Variants in EFNB2 observed in about 807,000 individuals in gnomAD.
EFNB2 encodes the protein ephrin B2.
EFNB2 carries 5 observed loss-of-function variants against 32.1 expected under a neutral mutation model. The ratio of observed to expected loss-of-function variants is 0.16; its 90% CI spans 0.08 to 0.33. The LOEUF is 0.33. Among genes scored for constraint, EFNB2 ranks in the 10% least tolerant of loss-of-function variants. The pLI is 1.00. For missense variants in EFNB2, 263 were observed against 422.6 expected (o/e 0.62, Z 3.31); for synonymous variants, 168 against 166.5 (o/e 1.01, Z -0.07).
chr13:106,524,741 G>A (rs1216882980), intron 1 of EFNB2, among the ~76,000 whole-genome samples: 1 of 152,178 alleles, frequency 6.6e-6, no homozygotes, highest in East Asian at 1.9e-4. Flanking sequence ...TGAATTCAAA[G>A]AGCCTCCTCT....
chr13:106,522,755 C>A (rs527419367), intron 1 of EFNB2, among the ~76,000 whole-genome samples: 2 of 152,172 alleles, frequency 1.3e-5, no homozygotes, highest in South Asian at 4.1e-4. Flanking sequence ...TAAAATGAAA[C>A]CTTTCCCTTT....
Position 106,512,785 on chromosome 13 carries a change from T to C in EFNB2, c.150A>G (p.Leu50=). 4 of 1,610,392 alleles carry C rather than the reference T, an allele frequency of 2.5e-6. No individual in the cohort carries two copies. The highest frequency in any genetic ancestry group is 3.4e-6 in the Non-Finnish European group (4 of 1,177,740). The part of the protein sequence containing the change: ...SKFLPGQGLV[L]YPQIGDKLDI... ...CCAATTTGTCTCCTATCTGTGGGTA[T>C]AGTACCAGTCCTTGTCCAGGTAGAA... Residue 50 remains leucine (L), a synonymous_variant, in exon 2 of 5, where the codon CTA becomes CTG. Coordinates refer to ENST00000646441, the MANE Select transcript of EFNB2 (RefSeq NM_004093.4).
At chr13:106,511,447 C>T (rs551870442) in intron 2 of EFNB2, among the ~76,000 whole-genome samples, 2 of 152,216 alleles carry the variant, frequency 1.3e-5, no homozygotes, top group Admixed American at 1.3e-4. Flanking sequence ...TGCCACTGCA[C>T]GCCAGCCTCG....
chr13:106,520,010 C>G (rs1197396283), intron 1 of EFNB2: 1 of 152,008 alleles, frequency 6.6e-6, no homozygotes, highest in Non-Finnish European at 1.5e-5. Flanking sequence ...GCTGTAGTAA[C>G]AAACTTGTTT....
At chr13:106,505,781 T>A (rs1878930099) in intron 2 of EFNB2, among the ~76,000 whole-genome samples, 1 of 152,204 alleles carries the variant, frequency 6.6e-6, no homozygotes, top group African/African-American at 2.4e-5. Flanking sequence ...TAAAAAGCCA[T>A]AAATAAGGTG....
rs1441676684 is a variant in EFNB2 at position 106,518,730 on chromosome 13, T to C, written c.123-5918A>G. ...GAGAAGTTTATGGAGAGCTGTGTAG[T>C]GAACCCGAAATTGCACTCCCTGCTT... On this transcript the variant is annotated intron_variant, in intron 1 of 4. Coordinates refer to ENST00000646441, the MANE Select transcript of EFNB2 (RefSeq NM_004093.4). This position sits in a 1 kb window ranked among gnomAD's most constrained non-coding sequence, Gnocchi z 4.1. The C allele has an allele frequency of 6.6e-6, 1 of 152,258 alleles. No homozygotes were observed. The highest frequency in any genetic ancestry group is 6.5e-5 in the Admixed American group (1 of 15,272). 9.4% of individuals were successfully genotyped at this position (152,258 alleles called of 1,614,324 possible).
chr13:106,494,198 C>T (rs1242288857), intron 4 of EFNB2, among the ~76,000 whole-genome samples: 4 of 152,306 alleles, frequency 2.6e-5, no homozygotes, highest in Middle Eastern at 3.4e-3. Context: ...ATTTGCACAA[C>T]GACCAAGCAA....
At chr13:106,530,192 G>A (rs952732035) in intron 1 of EFNB2, among the ~76,000 whole-genome samples, 2 of 151,986 alleles carry the variant, frequency 1.3e-5, no homozygotes, top group African/African-American at 2.4e-5. Context: ...CAAGCTGTTC[G>A]GAACATGTCC....
chr13:106,505,745 A>G (rs879135567), intron 2 of EFNB2, among the ~76,000 whole-genome samples: 1 of 152,220 alleles, frequency 6.6e-6, no homozygotes, highest in Admixed American at 6.5e-5. Flanking sequence ...GCATTGTCCA[A>G]TTATTTATAA....
rs184695187 is a variant in EFNB2 at position 106,532,100 on chromosome 13, T to C, written c.122+2743A>G. On this transcript the variant is annotated intron_variant, in intron 1 of 4. Transcript: ENST00000646441. Reference sequence around the variant, plus strand: ...AAACCAAAACTTTAAACAACCAAAATGGCTACAACGGACCCAACTCTACCA... The same window carrying C: ...AAACCAAAACTTTAAACAACCAAAACGGCTACAACGGACCCAACTCTACCA... Among the ~76,000 whole-genome samples, 33 of 147,298 alleles carry C rather than the reference T, an allele frequency of 2.2e-4. No individual in the cohort carries two copies. The East Asian group carries it at 6.3e-3, about 28-fold the overall frequency.
At position 106,493,333 on chromosome 13, in the gene EFNB2, T is replaced by C. The variant is rs1254330886; in HGVS notation, c.709A>G (p.Ile237Val). 3 of 1,614,156 alleles carry C rather than the reference T, an allele frequency of 1.9e-6. No homozygotes were observed. Among genetic ancestry groups the C allele is most frequent in the East Asian group, 2.2e-5 (1 of 44,868 alleles). Reference protein sequence around the residue: ...LFAGIASGCIIFIVIIITLVV... With the variant: ...LFAGIASGCIVFIVIIITLVV... The stretch of plus-strand genomic sequence containing the variant: ...AGCGTGATGATGATGACGATGAAGA[T>C]GATGCATCCTGAAGCAATCCCTGCA... The change falls in exon 5 of 5, where the codon ATC (isoleucine) becomes GTC (valine). Residue 237 changes from isoleucine to valine, a missense_variant. By Grantham distance (29) the Ile-to-Val change is conservative (BLOSUM62 3). Around this residue, in one of 3 missense-constraint regions of EFNB2, gnomAD observed 172 missense variants for 237.1 expected, o/e 0.73. Transcript: ENST00000646441. This position sits in a 1 kb window ranked among gnomAD's most constrained non-coding sequence, Gnocchi z 6.1.
In EFNB2 at chr13:106,491,537, T is replaced by A. The variant is rs917128633; in HGVS notation, c.*1503A>T. Reference sequence around the variant, plus strand: ...GTTCTATATACCTATTATAAATACGTCCTATCTTCCTTCTCCCCCTGGACA... The same window carrying A: ...GTTCTATATACCTATTATAAATACGACCTATCTTCCTTCTCCCCCTGGACA... On this transcript the variant is annotated 3_prime_UTR_variant, in exon 5 of 5. Coordinates refer to ENST00000646441, the MANE Select transcript of EFNB2 (RefSeq NM_004093.4). 1 of 152,614 alleles carries A rather than the reference T, an allele frequency of 6.6e-6. No individual in the cohort carries two copies. The highest frequency in any genetic ancestry group is 6.5e-5 in the Admixed American group (1 of 15,268). The allele number at this position is 152,614 out of a possible 1,614,324, so 9.5% of individuals were successfully genotyped here.
rs1425537133 is a variant in EFNB2, at chr13:106,518,467, G to T, written c.123-5655C>A. On this transcript the variant is annotated intron_variant, in intron 1 of 4. Transcript: ENST00000646441. The surrounding 1 kb of genome is among the most constrained non-coding windows in gnomAD (Gnocchi z 4.1). ...CGAGCACATGCTTGTTTAAAACACG[G>T]GCCTAATACACTGAAAACATAAACC... 1 of 152,260 alleles carries T rather than the reference G, an allele frequency of 6.6e-6. No individual in the cohort carries two copies. Among genetic ancestry groups the T allele is most frequent in the Middle Eastern group, 3.4e-3 (1 of 294 alleles). The allele number at this position is 152,260 out of a possible 1,614,324, so 9.4% of individuals were successfully genotyped here.
intron 1 of EFNB2, among the ~76,000 whole-genome samples, chr13:106,527,203 T>C (rs1879729226): frequency 6.6e-6 from 1 of 151,878 alleles, no homozygotes; most frequent in African/African-American, 2.4e-5. Context: ...ATACAAAAAC[T>C]GTAATTAAAA....
At chr13:106,503,157 G>C (rs1330573445) in intron 2 of EFNB2, among the ~76,000 whole-genome samples, 1 of 151,766 alleles carries the variant, frequency 6.6e-6, no homozygotes, top group Non-Finnish European at 1.5e-5. Context: ...AAATTCTGTT[G>C]AGGAAAAACA....
At chr13:106,533,098 A>G (rs1566465238) in intron 1 of EFNB2, among the ~76,000 whole-genome samples, 1 of 35,872 alleles carries the variant, frequency 2.8e-5, no homozygotes, top group Non-Finnish European at 6.7e-5. Context: ...TTAAATCCTC[A>G]TAAGAAAAAA....
At chr13:106,528,261 C>A (rs982416432) in intron 1 of EFNB2, among the ~76,000 whole-genome samples, 5 of 152,084 alleles carry the variant, frequency 3.3e-5, no homozygotes, top group Admixed American at 2.6e-4. Context: ...TCTATGAAAG[C>A]TACATAGTAA....
chr13:106,532,189 T>G (rs897529243), intron 1 of EFNB2, among the ~76,000 whole-genome samples: 1 of 152,140 alleles, frequency 6.6e-6, no homozygotes, highest in African/African-American at 2.4e-5. Flanking sequence ...GCAGGACATC[T>G]TTCCATTATT....
At chr13:106,534,402 CGCCCGCCCGCGG>C (rs1879986404) in intron 1 of EFNB2, among the ~76,000 whole-genome samples, 1 of 152,284 alleles carries the variant, frequency 6.6e-6, no homozygotes. Context: ...CCACCCCGGT[CGCCCGCCCGCGG>C]GCCCCGGACC....
Sources: allele counts gnomAD v4.1 joint callset (sites outside exome capture counted in the v4.1 genomes callset), GRCh38; gene constraint gnomAD v4.1.1; regional missense constraint gnomAD v4.1.1; non-coding constraint Gnocchi (gnomAD v3.1); transcripts MANE v1.5; gene names NCBI Gene and HGNC (gene_info 2026-07-23, HGNC 2026-07-21).